Variants in STK33 observed in about 807,000 individuals in gnomAD.
STK33 encodes serine/threonine-protein kinase 33.
A neutral mutation model predicts 58.0 loss-of-function variants in STK33; 52 were observed. The ratio of observed to expected loss-of-function variants is 0.90; its 90% CI spans 0.72 to 1.13. The LOEUF is 1.13. STK33 is among the 50% of genes most tolerant of loss of function. The pLI is 0.00. For synonymous variants in STK33, 215 were observed against 200.1 expected (o/e 1.07, Z -0.63); for missense variants, 630 against 604.2 (o/e 1.04, Z -0.45).
intron 15 of STK33, among the ~76,000 whole-genome samples, chr11:8,407,992 G>C (rs1368206830): frequency 6.6e-6 from 1 of 152,114 alleles, no homozygotes; most frequent in Non-Finnish European, 1.5e-5. Context: ...AATTTCCACA[G>C]ATAGTTCATC....
At chr11:8,539,849 C>T (rs1955366956) in intron 1 of STK33, among the ~76,000 whole-genome samples, 2 of 152,076 alleles carry the variant, frequency 1.3e-5, no homozygotes, top group African/African-American at 4.8e-5. Flanking sequence ...AAATGCTAAG[C>T]TTCTATAGAT....
rs533056198 is a variant in STK33, at chr11:8,479,243, G to T, written c.-261+1167C>A. Among the ~76,000 whole-genome samples, 5 of 152,054 alleles carry T rather than the reference G, an allele frequency of 3.3e-5. No individual in the cohort carries two copies. The South Asian group carries it at 1.0e-3, about 32-fold the overall frequency. On this transcript the variant is annotated intron_variant, in intron 2 of 15. Coordinates refer to ENST00000687296, the MANE Select transcript of STK33 (RefSeq NM_001352389.2). ...TGGCCAACATCCTGACCAACCTGGG[G>T]TTTTAGTAGAGAAACCCCATCTCTA... is the stretch of plus-strand genomic sequence containing the variant.
intron 6 of STK33, chr11:8,466,528 G>C (rs574167584): frequency 6.6e-6 from 1 of 152,368 alleles, no homozygotes; most frequent in African/African-American, 2.4e-5. Flanking sequence ...GGTTCCCATA[G>C]TCTTGGGCAG....
chr11:8,468,197 G>A (rs960399958), intron 6 of STK33, among the ~76,000 whole-genome samples: 1 of 152,138 alleles, frequency 6.6e-6, no homozygotes, highest in African/African-American at 2.4e-5. Flanking sequence ...CAGAGTTTGT[G>A]CAGAGAAACT....
At chr11:8,400,948 A>G (rs1937777940) in intron 15 of STK33, among the ~76,000 whole-genome samples, 2 of 152,186 alleles carry the variant, frequency 1.3e-5, no homozygotes, top group Admixed American at 1.3e-4. Flanking sequence ...ACTACAAACC[A>G]CTGCTCAATG....
rs560048197 is a variant in STK33, at chr11:8,480,551, C to G, written c.-402G>C. Reference sequence around the variant, plus strand: ...GAATTTACCCTGGAGTGGGGAGGGGCGTAGTGAGATGCAGGGAGGAGATGA... The same window carrying G: ...GAATTTACCCTGGAGTGGGGAGGGGGGTAGTGAGATGCAGGGAGGAGATGA... On this transcript the variant is annotated 5_prime_UTR_variant, in exon 2 of 16. Transcript: ENST00000687296. The G allele has an allele frequency of 6.6e-6, 1 of 151,886 alleles. No individual in the cohort carries two copies. The highest frequency in any genetic ancestry group is 1.5e-5 in the Non-Finnish European group (1 of 68,060). 9.4% of individuals were successfully genotyped at this position (151,886 alleles called of 1,614,324 possible).
chr11:8,538,185 CA>C (rs879392901), intron 1 of STK33, among the ~76,000 whole-genome samples: 164 of 134,156 alleles, frequency 1.2e-3, no homozygotes, highest in East Asian at 3.9e-3. Flanking sequence ...CAGACAGTAT[CA>C]AAAAAAAAAA....
At chr11:8,408,966 T>C (rs1438805404) in intron 15 of STK33, among the ~76,000 whole-genome samples, 1 of 152,226 alleles carries the variant, frequency 6.6e-6, no homozygotes, top group Non-Finnish European at 1.5e-5. Flanking sequence ...AGCCTCTGCC[T>C]AGCATCTACC....
the STK33 span, among the ~76,000 whole-genome samples, chr11:8,373,604 G>A: frequency 6.6e-6 from 1 of 152,140 alleles, no homozygotes; most frequent in African/African-American, 2.4e-5. Flanking sequence ...GGTGGTCTCA[G>A]GCCCAGATGG....
At chr11:8,359,691 G>A in the STK33 span, among the ~76,000 whole-genome samples, 10 of 152,324 alleles carry the variant, frequency 6.6e-5, no homozygotes, top group East Asian at 1.9e-4. Context: ...CCCCAGGGCC[G>A]GGACAGCACT....
At chr11:8,566,351 A>T (rs1444667057) in intron 1 of STK33, among the ~76,000 whole-genome samples, 1 of 152,228 alleles carries the variant, frequency 6.6e-6, no homozygotes, top group Non-Finnish European at 1.5e-5. Context: ...ATTGTCTTAA[A>T]ATTATCAGAA....
At chr11:8,337,874 T>A in the STK33 span, among the ~76,000 whole-genome samples, 1 of 152,006 alleles carries the variant, frequency 6.6e-6, no homozygotes, top group Non-Finnish European at 1.5e-5. Context: ...CACCTTCCAG[T>A]CTCCACCCAA....
chr11:8,381,613 C>A, the STK33 span, among the ~76,000 whole-genome samples: 1 of 152,158 alleles, frequency 6.6e-6, no homozygotes, highest in Non-Finnish European at 1.5e-5. Flanking sequence ...GTAGCCGACA[C>A]CCCACCTGGC....
chr11:8,587,695 T>C (rs1443065463), intron 1 of STK33, among the ~76,000 whole-genome samples: 1 of 152,066 alleles, frequency 6.6e-6, no homozygotes, highest in African/African-American at 2.4e-5. Context: ...CATGAGGCTG[T>C]AGGGAAAATC....
At chr11:8,498,699 TA>T (rs1282020441) in intron 1 of STK33, among the ~76,000 whole-genome samples, 1 of 152,138 alleles carries the variant, frequency 6.6e-6, no homozygotes, top group Non-Finnish European at 1.5e-5. Flanking sequence ...AAGGCTACAG[TA>T]ACCAAAACAG....
chr11:8,413,818 T>C (rs1940698511), intron 14 of STK33, 126 bp from the exon 15 acceptor site: 1 of 870,414 alleles, frequency 1.1e-6, no homozygotes, highest in African/African-American at 1.7e-5. Flanking sequence ...TAATGCTGAA[T>C]AAATATGAAA....
At chr11:8,498,031 TCTC>T (rs1351652801) in intron 1 of STK33, among the ~76,000 whole-genome samples, 1 of 152,036 alleles carries the variant, frequency 6.6e-6, no homozygotes, top group Non-Finnish European at 1.5e-5. Context: ...GTGGAACTGA[TCTC>T]AGAAATACAA....
In STK33 at chr11:8,392,709, G is replaced by T. The variant is rs775304688; in HGVS notation, c.1346C>A (p.Ser449Tyr). The T allele has an allele frequency of 6.2e-6, 10 of 1,613,914 alleles. No individual in the cohort carries two copies. The South Asian group carries it at 9.9e-5, about 16-fold the overall frequency. Residue 449 changes from serine (S) to tyrosine (Y), a missense_variant and splice_region_variant, in exon 16 of 16, where the codon TCT (serine) becomes TAT (tyrosine). Transcript: ENST00000687296. The part of the protein sequence containing the change: ...YTSDEEEEKQ[S>Y]TAYEKQFPAT... ...AGGAAATTGCTTTTCATAAGCAGTA[G>T]ACTGCAAATAAAAGGTCTTGATTAA...
chr11:8,520,242 C>G (rs1478736057), intron 1 of STK33, among the ~76,000 whole-genome samples: 3 of 152,160 alleles, frequency 2.0e-5, no homozygotes, highest in African/African-American at 7.2e-5. Context: ...AAGACAAAAA[C>G]CACATGATTA....
Sources: allele counts gnomAD v4.1 joint callset (sites outside exome capture counted in the v4.1 genomes callset), GRCh38; gene constraint gnomAD v4.1.1; transcripts MANE v1.5; gene names NCBI Gene and HGNC (gene_info 2026-07-23, HGNC 2026-07-21).